Variants in ADD1 observed in about 807,000 individuals in gnomAD.
ADD1 encodes adducin 1, also known as alpha-adducin.
A neutral mutation model predicts 80.5 loss-of-function variants in ADD1; 24 were observed. The ratio of observed to expected loss-of-function variants is 0.30; its 90% confidence interval spans 0.22 to 0.42. The LOEUF is 0.42. Ranked by LOEUF, ADD1 falls within the 10% of genes least tolerant of loss-of-function variation. The pLI, the probability that ADD1 is intolerant of heterozygous loss-of-function variation, is 1.00. For synonymous variants in ADD1, 373 were observed against 393.8 expected, an observed-to-expected ratio of 0.95 and a Z score of 0.63; for missense variants, 948 against 1,019.0, an observed-to-expected ratio of 0.93 and a Z score of 0.95.
At chr4:2,895,131 G>A (rs1160494402) in intron 6 of ADD1, among the ~76,000 whole-genome samples, 3 of 152,052 alleles carry the variant, frequency 2.0e-5, no homozygotes, top group Admixed American at 6.6e-5. Context: ...TGTGGTGCGT[G>A]CCTGTACTTC....
At chr4:2,921,596 A>C (rs555314587) in intron 14 of ADD1, among the ~76,000 whole-genome samples, 29 of 151,838 alleles carry the variant, frequency 1.9e-4, no homozygotes, top group Non-Finnish European at 3.8e-4. Context: ...ACCTTGGTGA[A>C]TCTGATGATT....
intron 11 of ADD1, 52 bp downstream of exon 11, chr4:2,907,896 A>C (rs1259406768): frequency 6.9e-7 from 1 of 1,454,210 alleles, no homozygotes; most frequent in Admixed American, 1.7e-5. Context: ...ATTGGAAGGG[A>C]TGCCAGCTGC....
chr4:2,883,509 T>C (rs796411035), intron 3 of ADD1, among the ~76,000 whole-genome samples: 8 of 152,192 alleles, frequency 5.3e-5, no homozygotes, highest in African/African-American at 1.9e-4. Context: ...TGGTGAATTA[T>C]GTTTTTTTGT....
At position 2,926,118 on chromosome 4, in the gene ADD1, C is replaced by T; in HGVS notation, c.2047+6C>T. 1 of 1,612,690 alleles carries T rather than the reference C, an allele frequency of 6.2e-7. No individual in the cohort carries two copies. Among genetic ancestry groups the T allele is most frequent in the Non-Finnish European group, 8.5e-7 (1 of 1,179,138 alleles). On this transcript the variant is annotated splice_donor_region_variant and intron_variant, in intron 15 of 15. Coordinates refer to ENST00000683351, the MANE Select transcript of ADD1 (RefSeq NM_001354761.2). This position sits in a 1 kb window ranked among gnomAD's most constrained non-coding sequence, Gnocchi z 5.0. ...TCCCATCAAGCTGGAGGAAGGTGAGCTCTGGGTGGCAGCGGCCGCCACTGT... is the reference window on the plus strand; with the variant it reads ...TCCCATCAAGCTGGAGGAAGGTGAGTTCTGGGTGGCAGCGGCCGCCACTGT...
In ADD1 at chr4:2,926,732, C is replaced by T; in HGVS notation, c.2047+620C>T. 6.4e-7 allele frequency: 1 copy of T among 1,552,286 alleles called. No homozygotes were observed. Among genetic ancestry groups the T allele is most frequent in the Non-Finnish European group, 8.8e-7 (1 of 1,130,800 alleles). ...GTGCCCTGCGCTTTGCCTCATTCTC[C>T]TGCTTCTTTGTTGTTTATTAAGTTT... On this transcript the variant is annotated intron_variant, in intron 15 of 15. Transcript: ENST00000683351. This position sits in a 1 kb window ranked among gnomAD's most constrained non-coding sequence, Gnocchi z 5.0.
At chr4:2,899,619 A>G (rs1282959804) in intron 9 of ADD1, 184 bp downstream of exon 9, 5 of 696,908 alleles carry the variant, frequency 7.2e-6, no homozygotes, top group African/African-American at 1.8e-5. Flanking sequence ...GTAGAGGTGA[A>G]GGATTCCTGG....
rs1737460577 is a variant in ADD1 at position 2,908,620 on chromosome 4, G to A, written c.1698+16G>A. ...CCTCGTCCAGGTGAGAGCCCAGAGT[G>A]TCTCTGACTTTAGTGGGTGGTGGCT... On this transcript the variant is annotated intron_variant, in intron 12 of 15. Transcript: ENST00000683351. The A allele has an allele frequency of 6.2e-7, 1 of 1,609,454 alleles. No individual in the cohort carries two copies. The highest frequency in any genetic ancestry group is 8.5e-7 in the Non-Finnish European group (1 of 1,175,786).
chr4:2,857,358 C>T (rs892555822), intron 1 of ADD1, among the ~76,000 whole-genome samples: 1 of 152,162 alleles, frequency 6.6e-6, no homozygotes, highest in Admixed American at 6.5e-5. Flanking sequence ...GTCTCAGAGT[C>T]CCAGCTACTC....
At chr4:2,908,269 G>T (rs1157994776) in intron 11 of ADD1, among the ~76,000 whole-genome samples, 1 of 152,232 alleles carries the variant, frequency 6.6e-6, no homozygotes, top group Non-Finnish European at 1.5e-5. Flanking sequence ...TGAGAGATAG[G>T]TGTCCTGCCC....
At chr4:2,908,399 G>C in intron 11 of ADD1, 116 bp from the exon 12 acceptor site, 1 of 861,394 alleles carries the variant, frequency 1.2e-6, no homozygotes, top group Non-Finnish European at 1.9e-6. Flanking sequence ...GTGGGGCAGT[G>C]GGAGAGCTGA....
At chr4:2,852,291 C>G (rs865885757) in intron 1 of ADD1, among the ~76,000 whole-genome samples, 121 of 108,506 alleles carry the variant, frequency 1.1e-3, no homozygotes, top group Admixed American at 3.6e-3. Flanking sequence ...CTTTTCTTTT[C>G]TTTTCTTTTC....
chr4:2,885,200 C>A (rs935187914), intron 4 of ADD1, among the ~76,000 whole-genome samples: 2 of 152,138 alleles, frequency 1.3e-5, no homozygotes, highest in Non-Finnish European at 2.9e-5. Flanking sequence ...ATTCTTCACT[C>A]CCTATTTTGT....
At chr4:2,871,192 C>T (rs1262552064) in intron 1 of ADD1, among the ~76,000 whole-genome samples, 9 of 151,970 alleles carry the variant, frequency 5.9e-5, no homozygotes, top group Non-Finnish European at 1.0e-4. Context: ...AGGATGGTCT[C>T]GATCTCCTCA....
chr4:2,867,719 G>A (rs1038508386), intron 1 of ADD1, among the ~76,000 whole-genome samples: 1 of 152,204 alleles, frequency 6.6e-6, no homozygotes, highest in Non-Finnish European at 1.5e-5. Context: ...ACTTGAGTAG[G>A]CTGGGACAAA....
chr4:2,900,932 AG>A (rs1736073400), intron 9 of ADD1: 1 of 152,276 alleles, frequency 6.6e-6, no homozygotes, highest in African/African-American at 2.4e-5. Flanking sequence ...CTAATAAGAG[AG>A]ATGGACAAAC....
In ADD1 at chr4:2,905,086, C is replaced by G; in HGVS notation, c.1484C>G (p.Pro495Arg). The G allele has an allele frequency of 6.2e-7, 1 of 1,614,198 alleles. No individual in the cohort carries two copies. The highest frequency in any genetic ancestry group is 1.6e-4 in the Middle Eastern group (1 of 6,062). ...LQSLSSGVCV[P>R]SCITNCLWTK... The stretch of plus-strand genomic sequence containing the variant: ...TCTCTCTCGTCCGGTGTCTGCGTGC[C>G]AAGCTGTATTACCAACTGCTTGGTC... Residue 495 changes from proline to arginine, a missense_variant, in exon 10 of 16, where the codon CCA (proline) becomes CGA (arginine). Physicochemically the swap from Pro to Arg is moderately radical, Grantham distance 103. Transcript: ENST00000683351.
intron 14 of ADD1, among the ~76,000 whole-genome samples, chr4:2,922,117 C>T (rs1189827861): frequency 6.6e-6 from 1 of 152,046 alleles, no homozygotes; most frequent in East Asian, 1.9e-4. Flanking sequence ...TATTACCCAC[C>T]TTCTGAAGTC....
At chr4:2,915,681 G>T (rs1394572443) in intron 14 of ADD1, among the ~76,000 whole-genome samples, 1 of 152,120 alleles carries the variant, frequency 6.6e-6, no homozygotes, top group African/African-American at 2.4e-5. Flanking sequence ...AAATTAGCCA[G>T]GTGTAGTGGC....
intron 4 of ADD1, among the ~76,000 whole-genome samples, chr4:2,890,210 A>C (rs1184799153): frequency 1.3e-5 from 2 of 151,956 alleles, no homozygotes; most frequent in Admixed American, 6.6e-5. Flanking sequence ...AAAAAAAAAG[A>C]AATAATATCT....
Sources: gnomAD v4.1 joint callset for allele counts (sites outside exome capture counted in the v4.1 genomes callset) on GRCh38, gnomAD v4.1.1 for gene constraint, Gnocchi (gnomAD v3.1) non-coding constraint, MANE v1.5 for transcripts, NCBI Gene and HGNC (gene_info 2026-07-23, HGNC 2026-07-21) for gene names.